Variants in CDH18 observed in about 807,000 individuals in gnomAD.
CDH18 encodes cadherin 18, also known as cadherin-18.
A neutral mutation model predicts 67.9 loss-of-function variants in CDH18; 31 were observed. The observed-to-expected ratio is 0.46, with a 90% CI of 0.34 to 0.62. The LOEUF (loss-of-function observed/expected upper bound fraction) is 0.62, where lower values mean the gene tolerates loss of function less well. CDH18 is among the 20% of genes least tolerant of loss of function. The pLI is 0.01. For synonymous variants in CDH18, 362 were observed against 347.2 expected, an observed-to-expected ratio of 1.04 and a Z score of -0.48; for missense variants, 890 against 975.5, an observed-to-expected ratio of 0.91 and a Z score of 1.17.
Position 19,612,480 on chromosome 5 carries a change from G to A in CDH18, c.765C>T (p.Asn255=), listed in dbSNP as rs756846343. The stretch of plus-strand genomic sequence containing the variant: ...TGTCATTGACATCGGTTAAGGTGAT[G>A]TTGACTGTTGTAGATCCTGAAAGCC... ...VGGLSGSTTV[N]ITLTDVNDNP... The change falls in exon 6 of 13, where the codon AAC becomes AAT. Residue 255 remains asparagine, a synonymous_variant. Coordinates refer to ENST00000382275, the MANE Select transcript of CDH18 (RefSeq NM_004934.5). 4 of 1,614,038 alleles carry A rather than the reference G, an allele frequency of 2.5e-6. No homozygotes were observed. Among genetic ancestry groups the A allele is most frequent in the East Asian group, 4.5e-5 (2 of 44,880 alleles).
intron 1 of CDH18, among the ~76,000 whole-genome samples, chr5:20,356,582 G>T (rs1407722266): frequency 6.6e-6 from 1 of 151,806 alleles, no homozygotes; most frequent in African/African-American, 2.4e-5. Flanking sequence ...GAGGATTTTT[G>T]TTTATCAGAT....
In CDH18 at chr5:19,489,286, C is replaced by T. The variant is rs192849935; in HGVS notation, c.1631-5734G>A. Among the ~76,000 whole-genome samples, 41 of 131,878 alleles carry T rather than the reference C, an allele frequency of 3.1e-4. No individual in the cohort carries two copies. In the East Asian group the frequency reaches 6.7e-3, roughly 21 times the overall value. The allele number at this position is 131,878 out of a possible 152,430, so 86.5% of individuals were successfully genotyped here. The stretch of plus-strand genomic sequence containing the variant: ...TTTTTGAGACTGAGTCTCTCTCTGT[C>T]GCCCAGGCTGGAGTGCAGTGGTGCA... On this transcript the variant is annotated intron_variant, in intron 11 of 12. Transcript: ENST00000382275.
intron 1 of CDH18, among the ~76,000 whole-genome samples, chr5:20,413,172 T>C (rs866670332): frequency 6.6e-6 from 1 of 152,208 alleles, no homozygotes; most frequent in Admixed American, 6.5e-5. Flanking sequence ...TAGTATTCCG[T>C]GGTGTATATG....
intron 2 of CDH18, among the ~76,000 whole-genome samples, chr5:19,965,258 T>C (rs753997949): frequency 1.3e-5 from 2 of 152,152 alleles, no homozygotes; most frequent in African/African-American, 2.4e-5. Context: ...CAAGTTTCAA[T>C]CCTCTGGAAA....
chr5:19,579,029 C>T (rs888272762), intron 7 of CDH18, among the ~76,000 whole-genome samples: 7 of 151,674 alleles, frequency 4.6e-5, no homozygotes, highest in South Asian at 2.1e-4. Context: ...ATTCTATAGG[C>T]GCTTGAATTA....
chr5:19,762,798 C>T (rs186655269), intron 3 of CDH18, among the ~76,000 whole-genome samples: 16 of 152,210 alleles, frequency 1.1e-4, no homozygotes, highest in African/African-American at 3.4e-4. Flanking sequence ...CACATGCACA[C>T]GTATGTTTGT....
chr5:20,430,195 T>A (rs1748626126), intron 1 of CDH18, among the ~76,000 whole-genome samples: 2 of 152,184 alleles, frequency 1.3e-5, no homozygotes, highest in South Asian at 4.1e-4. Context: ...CTCAAAATTT[T>A]AAAATTATTA....
At chr5:19,834,886 GC>G (rs1260120486) in intron 3 of CDH18, among the ~76,000 whole-genome samples, 12 of 151,934 alleles carry the variant, frequency 7.9e-5, no homozygotes, top group Admixed American at 7.9e-4. Context: ...TGCTGGCAAG[GC>G]CCCAGAGAAA....
intron 2 of CDH18, among the ~76,000 whole-genome samples, chr5:20,173,866 G>A (rs939398999): frequency 4.6e-5 from 7 of 151,940 alleles, no homozygotes; most frequent in South Asian, 2.1e-4. Flanking sequence ...AGAATATTAC[G>A]ATTTTTAAGG....
At chr5:20,326,640 G>A (rs1017751088) in intron 1 of CDH18, among the ~76,000 whole-genome samples, 5 of 150,236 alleles carry the variant, frequency 3.3e-5, no homozygotes, top group African/African-American at 1.2e-4. Flanking sequence ...CCGGGTTCAC[G>A]CCATTCTCCT....
intron 3 of CDH18, among the ~76,000 whole-genome samples, chr5:19,774,374 C>T (rs1774053094): frequency 7.0e-6 from 1 of 143,354 alleles, no homozygotes; most frequent in Admixed American, 7.0e-5. Context: ...AACCGTGCCA[C>T]AGCACTCCAG....
chr5:20,250,798 G>A (rs1007367945), intron 2 of CDH18, among the ~76,000 whole-genome samples: 1 of 151,468 alleles, frequency 6.6e-6, no homozygotes, highest in Non-Finnish European at 1.5e-5. Flanking sequence ...TAGAGACAGG[G>A]TTTTACCATG....
chr5:20,144,658 T>C (rs1750501917), intron 2 of CDH18, among the ~76,000 whole-genome samples: 2 of 152,116 alleles, frequency 1.3e-5, no homozygotes, highest in Non-Finnish European at 2.9e-5. Flanking sequence ...GAGAAGGGCA[T>C]AAATTGGGGG....
chr5:20,296,698 T>A lies in CDH18; in HGVS notation c.-579-41193A>T, dbSNP rs181014623. On this transcript the variant is annotated intron_variant, in intron 1 of 14. Transcript: ENST00000507958. Reference sequence around the variant, plus strand: ...AGTTTATAATATATGTAATATATCATTTTTACTTAATTATATTGTAAAATA... The same window carrying A: ...AGTTTATAATATATGTAATATATCAATTTTACTTAATTATATTGTAAAATA... Among the ~76,000 whole-genome samples, 447 of 151,960 alleles carry A rather than the reference T, an allele frequency of 2.9e-3. 2 individuals are homozygous for A. Among genetic ancestry groups the A allele is most frequent in the South Asian group, 0.011 (53 of 4,826 alleles).
At chr5:20,293,630 A>G (rs1171214118) in intron 1 of CDH18, among the ~76,000 whole-genome samples, 2 of 152,196 alleles carry the variant, frequency 1.3e-5, no homozygotes, top group East Asian at 1.9e-4. Flanking sequence ...AGATTAATGC[A>G]TGAATTAAAA....
At position 20,118,400 on chromosome 5, in the gene CDH18, AT is replaced by A. The variant is rs571546097; in HGVS notation, c.-517-126387del. ...GATAAGCAATAATTATTGGCAGATT[AT>A]TTTTAAGCACTCCAATCTCACTTTT... On this transcript the variant is annotated intron_variant, in intron 2 of 14. Transcript: ENST00000507958. 2.1e-4 allele frequency among the ~76,000 whole-genome samples: 32 copies of A among 152,260 alleles called. No individual in the cohort carries two copies. In the East Asian group the frequency reaches 5.6e-3, roughly 27 times the overall value.
chr5:20,523,063 T>C (rs1428492678), intron 1 of CDH18, among the ~76,000 whole-genome samples: 1 of 152,226 alleles, frequency 6.6e-6, no homozygotes. Flanking sequence ...CTCATTTTAA[T>C]GTACTGCAGT....
chr5:20,333,192 C>T (rs747516816), intron 1 of CDH18, among the ~76,000 whole-genome samples: 29 of 152,044 alleles, frequency 1.9e-4, no homozygotes, highest in Non-Finnish European at 3.1e-4. Flanking sequence ...TGTGGGCACA[C>T]ACACAGGTAT....
intron 2 of CDH18, among the ~76,000 whole-genome samples, chr5:20,086,435 A>G (rs1322543685): frequency 6.6e-6 from 1 of 152,210 alleles, no homozygotes; most frequent in African/African-American, 2.4e-5. Context: ...ACACTAAACA[A>G]CAGATTTTTG....
Sources: gnomAD v4.1 joint callset for allele counts (sites outside exome capture counted in the v4.1 genomes callset) on GRCh38, gnomAD v4.1.1 for gene constraint, MANE v1.5 for transcripts, NCBI Gene and HGNC (gene_info 2026-07-23, HGNC 2026-07-21) for gene names.